Variants in CLCN4 observed in about 807,000 individuals in gnomAD.
CLCN4 encodes the protein H(+)/Cl(-) exchange transporter 4.
CLCN4 carries 1 observed loss-of-function variant against 41.7 expected under a neutral mutation model. The ratio of observed to expected loss-of-function variants is 0.02; its 90% CI spans 0.01 to 0.11. The LOEUF (loss-of-function observed/expected upper bound fraction) is 0.11, where lower values mean the gene tolerates loss of function less well. CLCN4 is among the 10% of genes least tolerant of loss of function. The pLI is 1.00. For missense variants in CLCN4, 287 were observed against 661.0 expected, an observed-to-expected ratio of 0.43 and a Z score of 6.20; for synonymous variants, 277 against 285.8, an observed-to-expected ratio of 0.97 and a Z score of 0.31.
chrX:10,234,598 A>C lies in CLCN4; in HGVS notation c.*1014A>C, dbSNP rs1925205953. 1 of 112,530 alleles carries C rather than the reference A, an allele frequency of 8.9e-6. No individual in the cohort carries two copies. The highest frequency in any genetic ancestry group is 3.2e-5 in the African/African-American group (1 of 30,902). 9.3% of individuals were successfully genotyped at this position (112,530 alleles called of 1,213,427 possible). A position where few individuals can be genotyped will look rare whatever the true frequency, so the allele number is the denominator to read the frequency against. Reference sequence around the variant, plus strand: ...ATCAGATACGGCTGTGGAGAGGATGAGGCATATGCGTTGTCAGTTGGAATC... The same window carrying C: ...ATCAGATACGGCTGTGGAGAGGATGCGGCATATGCGTTGTCAGTTGGAATC... On this transcript the variant is annotated 3_prime_UTR_variant, in exon 13 of 13. Transcript: ENST00000380833.
At chrX:10,211,189 G>A (rs1247215974) in intron 9 of CLCN4, among the ~76,000 whole-genome samples, 6 of 96,287 alleles carry the variant, frequency 6.2e-5, no homozygotes, top group Non-Finnish European at 1.2e-4. Flanking sequence ...TCACTTGAAC[G>A]CAGGAGGCAG....
chrX:10,185,186 A>G lies in CLCN4; in HGVS notation c.144+10A>G. Reference sequence around the variant, plus strand: ...CGACAGACACAGGAAGGTAGGTGGCATTCCGAAAGGACACACTGCAAATGG... The same window carrying G: ...CGACAGACACAGGAAGGTAGGTGGCGTTCCGAAAGGACACACTGCAAATGG... On this transcript the variant is annotated intron_variant, in intron 3 of 12. Coordinates refer to ENST00000380833, the MANE Select transcript of CLCN4 (RefSeq NM_001830.4). 3 of 1,191,669 alleles carry G rather than the reference A, an allele frequency of 2.5e-6. No homozygotes were observed. Among genetic ancestry groups the G allele is most frequent in the Non-Finnish European group, 2.3e-6 (2 of 883,651 alleles).
intron 5 of CLCN4, among the ~76,000 whole-genome samples, chrX:10,196,885 A>G (rs1191737744): frequency 8.9e-6 from 1 of 112,406 alleles, no homozygotes; most frequent in Non-Finnish European, 1.9e-5. Context: ...CTTTAGTAAG[A>G]GTGAGAGTTA....
At chrX:10,216,914 T>TACACAC (rs1234191022) in intron 11 of CLCN4, among the ~76,000 whole-genome samples, 50 of 19,897 alleles carry the variant, frequency 2.5e-3, no homozygotes, top group South Asian at 0.013. Flanking sequence ...TATATATATA[T>TACACAC]ATATACACAC....
At chrX:10,212,367 C>G in intron 9 of CLCN4, 100 bp from the exon 10 acceptor site, 2 of 844,293 alleles carry the variant, frequency 2.4e-6, no homozygotes, top group Admixed American at 5.2e-5. Flanking sequence ...AAGACTGAAG[C>G]TAAATGCAAG....
chrX:10,227,747 A>G (rs1170532587), intron 12 of CLCN4, among the ~76,000 whole-genome samples: 2 of 111,834 alleles, frequency 1.8e-5, no homozygotes, highest in African/African-American at 6.5e-5. Flanking sequence ...ATGTCAATAC[A>G]GTCATGCACT....
chrX:10,210,145 C>T (rs763758544), intron 9 of CLCN4, among the ~76,000 whole-genome samples: 8 of 111,781 alleles, frequency 7.2e-5, no homozygotes, highest in East Asian at 2.8e-4. Flanking sequence ...TTTCAAGGTT[C>T]ATTCACATTG....
chrX:10,229,847 A>G (rs1925082784), intron 12 of CLCN4, among the ~76,000 whole-genome samples: 1 of 112,141 alleles, frequency 8.9e-6, no homozygotes, highest in Non-Finnish European at 1.9e-5. Flanking sequence ...TAGTGCTGCA[A>G]TAAACATACA....
intron 4 of CLCN4, among the ~76,000 whole-genome samples, chrX:10,190,180 A>G (rs1424561625): frequency 1.8e-5 from 2 of 111,496 alleles, no homozygotes; most frequent in African/African-American, 6.5e-5. Context: ...GACCACAATT[A>G]ATGATCATGT....
chrX:10,176,382 T>C (rs2147163185), intron 2 of CLCN4, among the ~76,000 whole-genome samples: 1 of 112,984 alleles, frequency 8.9e-6, no homozygotes, highest in African/African-American at 3.2e-5. Context: ...TTCCATATTG[T>C]CCGTGGCTGC....
At position 10,208,372 on chromosome X, in the gene CLCN4, C is replaced by T. The variant is rs371136650; in HGVS notation, c.1171C>T (p.Arg391Cys). The change falls in exon 9 of 13, where the codon CGC (arginine) becomes TGC (cysteine). Residue 391 changes from arginine to cysteine, a missense_variant. Around this residue, in one of 6 missense-constraint regions of CLCN4, gnomAD observed 94 missense variants for 177.9 expected, o/e 0.53. Coordinates refer to ENST00000380833, the MANE Select transcript of CLCN4 (RefSeq NM_001830.4). ...CATTGCCTACCCCAATCCCTACACA[C>T]GCCAGAGCACCAGCGAGCTCATTTC... ...AIIAYPNPYT[R>C]QSTSELISEL... 43 of 1,208,996 alleles carry T rather than the reference C, an allele frequency of 3.6e-5. No individual in the cohort carries two copies. The highest frequency in any genetic ancestry group is 4.2e-5 in the Non-Finnish European group (38 of 894,859).
chrX:10,216,918 T>TATATATATATACACACACAC (rs773265490), intron 11 of CLCN4, among the ~76,000 whole-genome samples: 2,063 of 38,753 alleles, frequency 0.053, 125 homozygotes, highest in East Asian at 0.17. Context: ...TATATATATA[T>TATATATATATACACACACAC]ACACACACAC....
At chrX:10,229,910 C>T (rs944075980) in intron 12 of CLCN4, among the ~76,000 whole-genome samples, 6 of 112,134 alleles carry the variant, frequency 5.4e-5, no homozygotes, top group Non-Finnish European at 1.1e-4. Context: ...GTATGGAACA[C>T]ATGAGATGTT....
At chrX:10,199,411 G>T (rs1206767670) in intron 6 of CLCN4, among the ~76,000 whole-genome samples, 1 of 112,597 alleles carries the variant, frequency 8.9e-6, no homozygotes, top group East Asian at 2.8e-4. Flanking sequence ...TTCCTGCAAA[G>T]AACTTGAAGT....
At chrX:10,169,345 C>A (rs5934787) in intron 2 of CLCN4, among the ~76,000 whole-genome samples, 31,139 of 110,691 alleles carry the variant, frequency 0.28, 3,790 homozygotes, top group African/African-American at 0.46. Context: ...GCTTGTGGTG[C>A]TTTTAGCCTC....
Position 10,206,622 on chromosome X carries a change from T to C in CLCN4, c.762+58T>C, listed in dbSNP as rs1308190901. ...CTTTCTTCTCAAAGCCCCCTCCTGC[T>C]GTCTGACTTGCAGGTTTGCACGTTT... On this transcript the variant is annotated intron_variant, in intron 7 of 12. Transcript: ENST00000380833. 4 of 1,189,113 alleles carry C rather than the reference T, an allele frequency of 3.4e-6. No individual in the cohort carries two copies. In the East Asian group the frequency reaches 1.2e-4, roughly 35 times the overall value.
intron 2 of CLCN4, among the ~76,000 whole-genome samples, chrX:10,163,226 A>G (rs1006657375): frequency 1.8e-5 from 2 of 112,414 alleles, no homozygotes; most frequent in Non-Finnish European, 3.8e-5. Flanking sequence ...GTGATGACGC[A>G]TCTCTTCTAC....
At chrX:10,157,940 C>T (rs1206641238) in intron 1 of CLCN4, among the ~76,000 whole-genome samples, 1 of 112,333 alleles carries the variant, frequency 8.9e-6, no homozygotes, top group Non-Finnish European at 1.9e-5. Flanking sequence ...TGGAATGCAG[C>T]TATTCAGAGT....
Position 10,191,356 on chromosome X carries a change from C to T in CLCN4, c.245-3555C>T, listed in dbSNP as rs914139576. On this transcript the variant is annotated intron_variant, in intron 4 of 12. Transcript: ENST00000380833. ...TTCAAAGTTTGTCCATGTTGTAGCACGTGTCAGTACTTCATTCCTTTTCAC... is the reference window on the plus strand; with the variant it reads ...TTCAAAGTTTGTCCATGTTGTAGCATGTGTCAGTACTTCATTCCTTTTCAC... Among the ~76,000 whole-genome samples the T allele has an allele frequency of 3.0e-4, 34 of 112,164 alleles. 1 individual carries two copies. Among genetic ancestry groups the T allele is most frequent in the African/African-American group, 8.4e-4 (26 of 30,857 alleles).
Sources: gnomAD v4.1 joint callset for allele counts (sites outside exome capture counted in the v4.1 genomes callset) on GRCh38, gnomAD v4.1.1 for gene constraint, gnomAD v4.1.1 regional missense constraint, MANE v1.5 for transcripts, NCBI Gene and HGNC (gene_info 2026-07-23, HGNC 2026-07-21) for gene names.